Variants in PRAME observed in about 807,000 individuals in gnomAD.
The protein encoded by PRAME is PRAME nuclear receptor transcriptional regulator, also known as melanoma antigen preferentially expressed in tumors.
PRAME carries 21 observed loss-of-function variants against 32.1 expected under a neutral mutation model. The ratio of observed to expected loss-of-function variants is 0.65; its 90% CI spans 0.46 to 0.94. The LOEUF (loss-of-function observed/expected upper bound fraction) is 0.94, where lower values mean the gene tolerates loss of function less well. PRAME is among the 40% of genes least tolerant of loss of function. The pLI, the probability that PRAME is intolerant of heterozygous loss-of-function variation, is 0.00. For synonymous variants in PRAME, 274 were observed against 251.5 expected (o/e 1.09, Z -0.85); for missense variants, 651 against 622.3 (o/e 1.05, Z -0.49).
chr22:22,551,727 C>T (rs1399170729), intron 3 of PRAME, among the ~76,000 whole-genome samples: 2 of 151,878 alleles, frequency 1.3e-5, no homozygotes, highest in African/African-American at 4.8e-5. Context: ...GCGGAGCAAA[C>T]ACTTCACAGT....
At chr22:22,553,821 T>G (rs1365097287) in intron 3 of PRAME, 4 of 985,062 alleles carry the variant, frequency 4.1e-6, no homozygotes, top group Non-Finnish European at 4.8e-6. Context: ...AAAGAAGTTG[T>G]CAGAAGACCT....
At chr22:22,555,916 C>G (rs2062881118) in intron 3 of PRAME, 2 of 470,316 alleles carry the variant, frequency 4.3e-6, no homozygotes, top group African/African-American at 4.0e-5. Context: ...GAAGTGTGGG[C>G]TTTTGCGTCT....
At chr22:22,553,276 G>A (rs2062709752) in intron 3 of PRAME, among the ~76,000 whole-genome samples, 1 of 151,794 alleles carries the variant, frequency 6.6e-6, no homozygotes, top group African/African-American at 2.4e-5. Context: ...GCCTATCCAA[G>A]GAAAAAGGGA....
At chr22:22,556,678 C>T (rs1009231949) in intron 3 of PRAME, 134 bp downstream of exon 3, 1 of 1,082,664 alleles carries the variant, frequency 9.2e-7, no homozygotes, top group African/African-American at 1.6e-5. Flanking sequence ...TGACCAGAAA[C>T]AATAAAAGCG....
chr22:22,556,472 G>A (rs2266986), intron 3 of PRAME, among the ~76,000 whole-genome samples: 34,913 of 150,482 alleles, frequency 0.23, 4,146 homozygotes, highest in Middle Eastern at 0.28. Flanking sequence ...CACCACGCCC[G>A]GCTAACTTTC....
At position 22,548,424 on chromosome 22, in the gene PRAME, C is replaced by T. The variant is rs767124537; in HGVS notation, c.1173G>A (p.Thr391=). 4.3e-6 allele frequency: 7 copies of T among 1,613,452 alleles called. No homozygotes were observed. The highest frequency in any genetic ancestry group is 2.7e-5 in the African/African-American group (2 of 74,828). Residue 391 remains threonine, a synonymous_variant, in exon 6 of 6, where the codon ACG becomes ACA. Coordinates refer to ENST00000405655, the MANE Select transcript of PRAME (RefSeq NM_206956.3). ...QDLVFDECGI[T]DDQLLALLPS... is the part of the protein sequence containing the mutation. ...GCAGGAGGGCAAGGAGCTGATCATCCGTGATCCCACACTCATCAAAGACCA... is the reference window on the plus strand; with the variant it reads ...GCAGGAGGGCAAGGAGCTGATCATCTGTGATCCCACACTCATCAAAGACCA...
Position 22,548,643 on chromosome 22 carries a change from C to A in PRAME, c.954G>T (p.Arg318Ser). The change falls in exon 6 of 6, where the codon AGG (arginine) becomes AGT (serine). Residue 318 changes from arginine (R) to serine (S), a missense_variant and splice_region_variant. By Grantham distance (110) the Arg-to-Ser change is moderately radical. Coordinates refer to ENST00000405655, the MANE Select transcript of PRAME (RefSeq NM_206956.3). ...FLRGRLDQLLRHVMNPLETLS... is the reference protein window; with the variant it reads ...FLRGRLDQLLSHVMNPLETLS... The stretch of plus-strand genomic sequence containing the variant: ...GGGTTTCCAAGGGGTTCATCACGTG[C>A]CTGCAAATAGACAAAGCAGTTAGTG... The A allele has an allele frequency of 1.3e-6, 2 of 1,587,994 alleles. No homozygotes were observed. Among genetic ancestry groups the A allele is most frequent in the South Asian group, 2.2e-5 (2 of 89,412 alleles).
At chr22:22,556,664 G>C (rs563115765) in intron 3 of PRAME, 148 bp downstream of exon 3, 1 of 998,642 alleles carries the variant, frequency 1.0e-6, no homozygotes. Context: ...CTCTTTTGTG[G>C]AAATGACCAG....
In PRAME at chr22:22,556,882, G is replaced by C. The variant is rs766395432; in HGVS notation, c.-50C>G. 21 of 1,610,496 alleles carry C rather than the reference G, an allele frequency of 1.3e-5. No homozygotes were observed. In the East Asian group the frequency reaches 2.2e-4, roughly 17 times the overall value. ...AGGACCTCCAACGCTTGGATTTCTA[G>C]GTCTCAGTCACTTGTTGCCACGCAC... On this transcript the variant is annotated 5_prime_UTR_variant, in exon 3 of 6. Transcript: ENST00000405655.
intron 3 of PRAME, 104 bp from the exon 4 acceptor site, chr22:22,551,193 G>A: frequency 9.2e-7 from 1 of 1,086,378 alleles, no homozygotes; most frequent in Non-Finnish European, 1.3e-6. Flanking sequence ...CAAAGTCACT[G>A]TGCTAGCAAC....
intron 3 of PRAME, among the ~76,000 whole-genome samples, chr22:22,551,654 A>C (rs1318625063): frequency 1.3e-5 from 2 of 151,168 alleles, no homozygotes; most frequent in Non-Finnish European, 2.9e-5. Flanking sequence ...ACATTCTGAG[A>C]CATGTATTTT....
At position 22,550,965 on chromosome 22, in the gene PRAME, G is replaced by T; in HGVS notation, c.146C>A (p.Pro49His). Residue 49 changes from proline (P) to histidine (H), a missense_variant, in exon 4 of 6, where the codon CCC becomes CAC. Coordinates refer to ENST00000405655, the MANE Select transcript of PRAME (RefSeq NM_206956.3). ...GAAGAGTGGCGGGAAGAGCTCCCTGGGCAGCAACTCCAGGGCGGCAATGGC... is the reference window on the plus strand; with the variant it reads ...GAAGAGTGGCGGGAAGAGCTCCCTGTGCAGCAACTCCAGGGCGGCAATGGC... ...ALAIAALELL[P>H]RELFPPLFMA... The T allele has an allele frequency of 1.2e-6, 2 of 1,613,534 alleles. No homozygotes were observed. Among genetic ancestry groups the T allele is most frequent in the Non-Finnish European group, 1.7e-6 (2 of 1,179,904 alleles).
At position 22,547,818 on chromosome 22, in the gene PRAME, C is replaced by T; in HGVS notation, c.*249G>A. On this transcript the variant is annotated 3_prime_UTR_variant, in exon 6 of 6. Coordinates refer to ENST00000405655, the MANE Select transcript of PRAME (RefSeq NM_206956.3). ...CCCTTTAGAAATTCAGATTCTATTT[C>T]TAACTCTATAAGATGTATCTCCCCA... The T allele has an allele frequency of 1.9e-6, 1 of 538,496 alleles. No homozygotes were observed. The highest frequency in any genetic ancestry group is 3.5e-5 in the Admixed American group (1 of 28,224). The allele number at this position is 538,496 out of a possible 1,614,324, so 33.4% of individuals were successfully genotyped here.
intron 4 of PRAME, 149 bp downstream of exon 4, chr22:22,550,618 C>T (rs972778888): frequency 1.1e-6 from 1 of 947,074 alleles, no homozygotes; most frequent in Non-Finnish European, 1.6e-6. Flanking sequence ...AAGAGTGACC[C>T]CTGCAGTAGC....
At position 22,555,904 on chromosome 22, in the gene PRAME, T is replaced by C. The variant is rs199561376; in HGVS notation, c.21+908A>G. On this transcript the variant is annotated intron_variant, in intron 3 of 5. Coordinates refer to ENST00000405655, the MANE Select transcript of PRAME (RefSeq NM_206956.3). The stretch of plus-strand genomic sequence containing the variant: ...TGGAGCTCATACTCTCTGACACCAC[T>C]GGAAGTGTGGGCTTTTGCGTCTGAT... The C allele has an allele frequency of 4.6e-3, 2,144 of 470,802 alleles. 13 individuals are homozygous for C. The highest frequency in any genetic ancestry group is 0.023 in the Middle Eastern group (71 of 3,062). The allele number at this position is 470,802 out of a possible 1,614,324, so 29.2% of individuals were successfully genotyped here. A position where few individuals can be genotyped will look rare whatever the true frequency, so the allele number is the denominator to read the frequency against.
intron 2 of PRAME, chr22:22,557,176 A>G (rs2062980457): frequency 5.2e-6 from 2 of 384,964 alleles, no homozygotes; most frequent in South Asian, 5.7e-5. Context: ...TCTTGCAGCG[A>G]CATTTCTGCC....
intron 3 of PRAME, chr22:22,555,975 G>T: frequency 2.3e-6 from 1 of 439,070 alleles, no homozygotes; most frequent in South Asian, 1.7e-5. Flanking sequence ...TTGGCAATAA[G>T]GTCCACAATG....
chr22:22,551,893 T>C (rs374532340), intron 3 of PRAME, among the ~76,000 whole-genome samples: 1 of 151,794 alleles, frequency 6.6e-6, no homozygotes, highest in South Asian at 2.1e-4. Flanking sequence ...ATCTCACATA[T>C]GTGTGGTGAG....
At chr22:22,557,778 G>T (rs2063030562) in intron 1 of PRAME, 198 bp from the exon 2 acceptor site, 1 of 69,952 alleles carries the variant, frequency 1.4e-5, no homozygotes, top group Non-Finnish European at 2.9e-5. Flanking sequence ...CAAAGACTGG[G>T]AGGAGGAGGG....
Sources: gnomAD v4.1 joint callset for allele counts (sites outside exome capture counted in the v4.1 genomes callset) on GRCh38, gnomAD v4.1.1 for gene constraint, MANE v1.5 for transcripts, NCBI Gene and HGNC (gene_info 2026-07-23, HGNC 2026-07-21) for gene names.